The following FTO variants were observed in gnomAD, a reference collection of about 807,000 sequenced individuals.
FTO encodes the protein alpha-ketoglutarate-dependent dioxygenase FTO.
FTO carries 47 observed loss-of-function variants against 63.9 expected under a neutral mutation model. The ratio of observed to expected loss-of-function variants is 0.74; its 90% CI spans 0.58 to 0.94. The LOEUF (loss-of-function observed/expected upper bound fraction) is 0.94, where lower values mean the gene tolerates loss of function less well. Ranked by LOEUF, FTO falls within the 40% of genes least tolerant of loss-of-function variation. FTO has a pLI of 0.00. For synonymous variants in FTO, 207 were observed against 224.4 expected (o/e 0.92, Z 0.69); for missense variants, 562 against 618.1 (o/e 0.91, Z 0.96).
chr16:53,913,465 C>A (rs1218284436), intron 7 of FTO, among the ~76,000 whole-genome samples: 2 of 152,200 alleles, frequency 1.3e-5, no homozygotes, highest in Non-Finnish European at 2.9e-5. Context: ...TGCTGTAAAT[C>A]TTGCAAACCA....
intron 7 of FTO, among the ~76,000 whole-genome samples, chr16:53,926,587 A>T (rs1445577759): frequency 6.6e-6 from 1 of 152,250 alleles, no homozygotes; most frequent in Non-Finnish European, 1.5e-5. Context: ...AAAGAGAATG[A>T]TCAGCTCCAT....
Position 53,729,949 on chromosome 16 carries a change from C to T in FTO, c.45+25720C>T, listed in dbSNP as rs192362147. Reference sequence around the variant, plus strand: ...CTGAGCTCTTTGAAGGCAAGAACTGCGCTTTTATTCCTCTCTTGTAATTGC... The same window carrying T: ...CTGAGCTCTTTGAAGGCAAGAACTGTGCTTTTATTCCTCTCTTGTAATTGC... On this transcript the variant is annotated intron_variant, in intron 1 of 8. Transcript: ENST00000471389. Among the ~76,000 whole-genome samples the T allele has an allele frequency of 1.1e-3, 173 of 152,290 alleles. 1 individual carries two copies. The highest frequency in any genetic ancestry group is 4.1e-3 in the African/African-American group (169 of 41,564).
At chr16:53,788,013 A>G (rs2077795480) in intron 1 of FTO, among the ~76,000 whole-genome samples, 1 of 152,194 alleles carries the variant, frequency 6.6e-6, no homozygotes, top group Non-Finnish European at 1.5e-5. Flanking sequence ...CAGAAATGCC[A>G]TGCTTTTGTT....
Position 54,105,002 on chromosome 16 carries a change from T to C in FTO, c.1365-6760T>C, listed in dbSNP as rs116515323. Reference sequence around the variant, plus strand: ...CATTTATATGGTAGTTTACATATTTTAGAGTGCTTTTATATGTGTTATTTG... The same window carrying C: ...CATTTATATGGTAGTTTACATATTTCAGAGTGCTTTTATATGTGTTATTTG... On this transcript the variant is annotated intron_variant, in intron 8 of 8. Coordinates refer to ENST00000471389, the MANE Select transcript of FTO (RefSeq NM_001080432.3). Among the ~76,000 whole-genome samples the C allele has an allele frequency of 8.1e-3, 1,238 of 152,344 alleles. 17 individuals carry two copies. The highest frequency in any genetic ancestry group is 0.028 in the African/African-American group (1,170 of 41,586).
intron 8 of FTO, among the ~76,000 whole-genome samples, chr16:54,055,585 G>A (rs2085413644): frequency 6.6e-6 from 1 of 152,178 alleles, no homozygotes; most frequent in Non-Finnish European, 1.5e-5. Context: ...TGAGTGTTTT[G>A]CATGTTTACC....
intron 1 of FTO, among the ~76,000 whole-genome samples, chr16:53,745,024 A>G (rs1233689644): frequency 1.3e-5 from 2 of 152,172 alleles, no homozygotes; most frequent in African/African-American, 2.4e-5. Context: ...GTTTTGCCAG[A>G]TTGGTAACTG....
chr16:54,070,358 G>A (rs1178761401), intron 8 of FTO: 3 of 152,004 alleles, frequency 2.0e-5, no homozygotes, highest in African/African-American at 7.2e-5. Flanking sequence ...GAAATTTTTT[G>A]AAGATTTTAA....
intron 8 of FTO, among the ~76,000 whole-genome samples, chr16:54,015,241 T>C (rs2111118): frequency 0.52 from 79,640 of 152,000 alleles, 23,383 homozygotes; most frequent in African/African-American, 0.79. Context: ...CAGCTATTTA[T>C]GTATTACAAA....
At chr16:53,735,131 T>C (rs568860379) in intron 1 of FTO, among the ~76,000 whole-genome samples, 1 of 152,362 alleles carries the variant, frequency 6.6e-6, no homozygotes, top group East Asian at 1.9e-4. Context: ...AATGTGTGAC[T>C]GGAAATGAGA....
At chr16:53,714,431 G>A (rs188969989) in intron 1 of FTO, among the ~76,000 whole-genome samples, 5 of 152,228 alleles carry the variant, frequency 3.3e-5, no homozygotes, top group East Asian at 1.9e-4. Flanking sequence ...ATGTACAGCC[G>A]TCCATTATCT....
chr16:53,890,251 T>A (rs2081111874), intron 7 of FTO, among the ~76,000 whole-genome samples: 1 of 152,214 alleles, frequency 6.6e-6, no homozygotes, highest in African/African-American at 2.4e-5. Flanking sequence ...TTTATTTTTT[T>A]AAAGCCATTT....
rs2083569783 is a variant in FTO, at chr16:53,982,498, G to T, written c.1364+48389G>T. On this transcript the variant is annotated intron_variant, in intron 8 of 8. Transcript: ENST00000471389. ...TTTCAGTGAAACAGCTTAACTTTAG[G>T]TTCAGAGAGGTTTCATTCTCACACC... Among the ~76,000 whole-genome samples, 2 of 152,160 alleles carry T rather than the reference G, an allele frequency of 1.3e-5. 1 individual carries two copies. The highest frequency in any genetic ancestry group is 1.3e-4 in the Admixed American group (2 of 15,280).
At position 53,798,525 on chromosome 16, in the gene FTO, T is replaced by A. The variant is rs374742435; in HGVS notation, c.46-11615T>A. ...ATCTCTGAGTACTTTATAATTTTTG[T>A]TAAGGTACATGGTATTTAAAAAAAC... On this transcript the variant is annotated intron_variant, in intron 1 of 8. Coordinates refer to ENST00000471389, the MANE Select transcript of FTO (RefSeq NM_001080432.3). Among the ~76,000 whole-genome samples the A allele has an allele frequency of 3.8e-3, 582 of 152,306 alleles. 1 individual carries two copies. The highest frequency in any genetic ancestry group is 0.01 in the Middle Eastern group (3 of 294).
At chr16:54,002,093 G>T (rs186933866) in intron 8 of FTO, among the ~76,000 whole-genome samples, 4 of 152,340 alleles carry the variant, frequency 2.6e-5, no homozygotes, top group African/African-American at 9.6e-5. Flanking sequence ...ACAGTGTCCA[G>T]CAGTCCTTTT....
At chr16:53,950,209 C>G (rs2082757794) in intron 8 of FTO, among the ~76,000 whole-genome samples, 1 of 123,774 alleles carries the variant, frequency 8.1e-6, no homozygotes, top group African/African-American at 2.8e-5. Context: ...TGGTCCTGTT[C>G]AGGTGCTATT....
At chr16:54,074,103 T>G (rs2085932297) in intron 8 of FTO, among the ~76,000 whole-genome samples, 1 of 152,138 alleles carries the variant, frequency 6.6e-6, no homozygotes, top group Non-Finnish European at 1.5e-5. Flanking sequence ...TTTTTTTTAA[T>G]GCTTATTTCA....
At chr16:53,972,449 G>T (rs1161512895) in intron 8 of FTO, among the ~76,000 whole-genome samples, 3 of 152,150 alleles carry the variant, frequency 2.0e-5, no homozygotes, top group Non-Finnish European at 4.4e-5. Flanking sequence ...ACTCAGAATG[G>T]TGGCATGGAA....
intron 7 of FTO, among the ~76,000 whole-genome samples, chr16:53,919,051 G>A (rs1188995509): frequency 2.0e-5 from 3 of 152,148 alleles, no homozygotes; most frequent in East Asian, 1.9e-4. Flanking sequence ...GTCAGTTTAC[G>A]TATATGTTAG....
intron 1 of FTO, among the ~76,000 whole-genome samples, chr16:53,715,622 C>T (rs922889259): frequency 2.0e-5 from 3 of 152,122 alleles, no homozygotes; most frequent in African/African-American, 2.4e-5. Flanking sequence ...ATATCCGCTC[C>T]GCCTCTTATG....
Sources: gnomAD v4.1 joint callset for allele counts (sites outside exome capture counted in the v4.1 genomes callset) on GRCh38, gnomAD v4.1.1 for gene constraint, MANE v1.5 for transcripts, NCBI Gene and HGNC (gene_info 2026-07-23, HGNC 2026-07-21) for gene names.